Variants in SNX25 observed in about 807,000 individuals in gnomAD.
SNX25 encodes the protein sorting nexin-25.
Under a neutral mutation model 113.7 loss-of-function variants are expected in SNX25, and 62 were observed. The observed-to-expected ratio is 0.55, with a 90% CI of 0.44 to 0.67. The LOEUF is 0.67. Ranked by LOEUF, SNX25 falls within the 30% of genes least tolerant of loss-of-function variation. The pLI is 0.00. For missense variants in SNX25, 1,014 were observed against 1,161.0 expected (o/e 0.87, Z 1.84); for synonymous variants, 421 against 436.2 (o/e 0.97, Z 0.43).
rs370006977 is a variant in SNX25 at position 185,342,929 on chromosome 4, C to T, written c.2187+813C>T. 3.9e-5 allele frequency among the ~76,000 whole-genome samples: 6 copies of T among 152,196 alleles called. No homozygotes were observed. The South Asian group carries it at 8.3e-4, about 21-fold the overall frequency. On this transcript the variant is annotated intron_variant, in intron 12 of 18. Transcript: ENST00000652585. ...TTTTTGAGACGGAGTCCTGCTCTGT[C>T]GCCCAGGCTGGAGTCCAGTGGCGTG...
chr4:185,326,346 C>G (rs1013854267), intron 9 of SNX25, among the ~76,000 whole-genome samples: 4 of 152,070 alleles, frequency 2.6e-5, no homozygotes, highest in Non-Finnish European at 5.9e-5. Flanking sequence ...ATTCTGATGT[C>G]ACAATCTCCA....
chr4:185,285,939 A>ATTT (rs397951411), intron 5 of SNX25, among the ~76,000 whole-genome samples: 2 of 148,086 alleles, frequency 1.4e-5, no homozygotes, highest in Non-Finnish European at 3.0e-5. Flanking sequence ...TGCCCAGCTA[A>ATTT]TTTTTTTTTT....
chr4:185,206,895 T>C (rs370102606), upstream of SNX25, among the ~76,000 whole-genome samples: 19 of 152,264 alleles, frequency 1.2e-4, no homozygotes, highest in East Asian at 1.5e-3. Context: ...TAGGATGGCA[T>C]AACTCTGAGG....
At chr4:185,246,111 A>G (rs770611247) in intron 1 of SNX25, among the ~76,000 whole-genome samples, 14 of 151,940 alleles carry the variant, frequency 9.2e-5, no homozygotes, top group Non-Finnish European at 1.9e-4. Context: ...CATGGGAAAA[A>G]CCCATCTCTA....
At chr4:185,327,796 T>G (rs941382541) in intron 9 of SNX25, among the ~76,000 whole-genome samples, 1 of 152,226 alleles carries the variant, frequency 6.6e-6, no homozygotes, top group Non-Finnish European at 1.5e-5. Context: ...AAACCAATAT[T>G]AATGTTTCAT....
intron 9 of SNX25, among the ~76,000 whole-genome samples, chr4:185,329,880 G>A (rs2095182244): frequency 6.6e-6 from 1 of 152,076 alleles, no homozygotes; most frequent in Non-Finnish European, 1.5e-5. Flanking sequence ...CACTCGAAAA[G>A]TGAAGTGAGA....
At chr4:185,243,489 G>T (rs377045592) in intron 1 of SNX25, among the ~76,000 whole-genome samples, 3 of 152,244 alleles carry the variant, frequency 2.0e-5, no homozygotes, top group African/African-American at 7.2e-5. Context: ...TGTAGTTCTA[G>T]CTACTCAGGA....
intron 1 of SNX25, among the ~76,000 whole-genome samples, chr4:185,216,793 T>A (rs1436943993): frequency 6.6e-6 from 1 of 152,042 alleles, no homozygotes; most frequent in Non-Finnish European, 1.5e-5. Flanking sequence ...AGTGCTGGGA[T>A]TACAGCTGTG....
At chr4:185,247,895 TA>T (rs1309236919) in intron 2 of SNX25, among the ~76,000 whole-genome samples, 1 of 152,168 alleles carries the variant, frequency 6.6e-6, no homozygotes, top group African/African-American at 2.4e-5. Flanking sequence ...TTTTAAATAT[TA>T]AAATTTTAAA....
At chr4:185,288,292 G>A (rs377663778) in intron 6 of SNX25, among the ~76,000 whole-genome samples, 4 of 151,994 alleles carry the variant, frequency 2.6e-5, no homozygotes, top group East Asian at 3.9e-4. Context: ...CTGTATTCCC[G>A]TATAAACTTT....
At chr4:185,287,451 G>A (rs1168879069) in intron 5 of SNX25, among the ~76,000 whole-genome samples, 1 of 152,222 alleles carries the variant, frequency 6.6e-6, no homozygotes, top group African/African-American at 2.4e-5. Flanking sequence ...CTGCAGGGGA[G>A]AGGGCAGTTC....
At chr4:185,330,756 T>C (rs2095188778) in intron 9 of SNX25, among the ~76,000 whole-genome samples, 1 of 152,226 alleles carries the variant, frequency 6.6e-6, no homozygotes, top group East Asian at 1.9e-4. Flanking sequence ...AATTGAGGTC[T>C]CTGAACTGTT....
intron 1 of SNX25, among the ~76,000 whole-genome samples, chr4:185,221,511 G>A (rs1739851547): frequency 6.6e-6 from 1 of 151,862 alleles, no homozygotes; most frequent in African/African-American, 2.4e-5. Flanking sequence ...AGTCTTTCCT[G>A]CTTGGTCTTA....
At chr4:185,312,585 C>A (rs188432847) in intron 7 of SNX25, among the ~76,000 whole-genome samples, 7 of 150,698 alleles carry the variant, frequency 4.6e-5, no homozygotes, top group African/African-American at 1.7e-4. Flanking sequence ...TGCATTGGCG[C>A]GATATCGGCT....
At chr4:185,245,437 AAGCTATTCTCAT>A (rs1446190491) in intron 1 of SNX25, among the ~76,000 whole-genome samples, 2 of 151,924 alleles carry the variant, frequency 1.3e-5, no homozygotes, top group East Asian at 1.9e-4. Context: ...TCCTGGGTTC[AAGCTATTCTCAT>A]GCCTCAGCCT....
chr4:185,344,635 T>TACGGAGG (rs2095276155), intron 12 of SNX25, among the ~76,000 whole-genome samples: 1 of 151,910 alleles, frequency 6.6e-6, no homozygotes, highest in African/African-American at 2.4e-5. Flanking sequence ...ATCTTGAGAT[T>TACGGAGG]AAGGAGGAAG....
At chr4:185,225,651 C>T (rs1740890366) in intron 1 of SNX25, among the ~76,000 whole-genome samples, 1 of 152,090 alleles carries the variant, frequency 6.6e-6, no homozygotes, top group Non-Finnish European at 1.5e-5. Context: ...GAAGTGAATC[C>T]CTTAGTAATG....
At position 185,363,627 on chromosome 4, in the gene SNX25, T is replaced by TA. The variant is rs1200435488; in HGVS notation, c.*163dup. 8 of 567,332 alleles carry TA rather than the reference T, an allele frequency of 1.4e-5. No individual in the cohort carries two copies. Among genetic ancestry groups the TA allele is most frequent in the Non-Finnish European group, 2.1e-5 (7 of 332,142 alleles). The allele number at this position is 567,332 out of a possible 1,614,324, so 35.1% of individuals were successfully genotyped here. On this transcript the variant is annotated 3_prime_UTR_variant, in exon 19 of 19. Coordinates refer to ENST00000652585, the MANE Select transcript of SNX25 (RefSeq NM_001378034.2). The surrounding 1 kb of genome is among the most constrained non-coding windows in gnomAD (Gnocchi z 4.2). ...TAGTAGAATCAGGGAGGACGGGACT[T>TA]ATGCTGTGGTAGGCAACAGAAAAAA... is the stretch of plus-strand genomic sequence containing the variant.
chr4:185,319,699 A>G (rs901745907), intron 7 of SNX25, among the ~76,000 whole-genome samples: 2 of 152,168 alleles, frequency 1.3e-5, no homozygotes, highest in African/African-American at 4.8e-5. Context: ...CTGGTTTACA[A>G]TGCCAAATAA....
Sources: allele counts gnomAD v4.1 joint callset (sites outside exome capture counted in the v4.1 genomes callset), GRCh38; gene constraint gnomAD v4.1.1; non-coding constraint Gnocchi (gnomAD v3.1); transcripts MANE v1.5; gene names NCBI Gene and HGNC (gene_info 2026-07-23, HGNC 2026-07-21).